AMOTL1: variants seen among roughly 807,000 people sequenced by gnomAD.
AMOTL1 encodes angiomotin like 1, also known as angiomotin-like protein 1.
In AMOTL1, 45 loss-of-function variants were observed where a neutral mutation model predicts 102.9. The observed-to-expected ratio is 0.44, with a 90% CI of 0.34 to 0.56. AMOTL1 has a LOEUF of 0.56. AMOTL1 is among the 20% of genes least tolerant of loss of function. The pLI, the probability that AMOTL1 is intolerant of heterozygous loss-of-function variation, is 0.01. For synonymous variants in AMOTL1, 481 were observed against 484.7 expected, an observed-to-expected ratio of 0.99 and a Z score of 0.10; for missense variants, 1,114 against 1,225.6, an observed-to-expected ratio of 0.91 and a Z score of 1.36.
At position 94,795,246 on chromosome 11, in the gene AMOTL1, T is replaced by C. The variant is rs1591973009; in HGVS notation, c.199+86T>C. ...TAGCTCTTTTGCATAATTCAGATGTTTATTCTCTAATCTTGTTTTTTAAAT... is the reference window on the plus strand; with the variant it reads ...TAGCTCTTTTGCATAATTCAGATGTCTATTCTCTAATCTTGTTTTTTAAAT... On this transcript the variant is annotated intron_variant, in intron 2 of 12. Transcript: ENST00000433060. The C allele has an allele frequency of 1.5e-5, 23 of 1,484,162 alleles. No individual in the cohort carries two copies. The East Asian group carries it at 5.2e-4, about 34-fold the overall frequency. 91.9% of individuals were successfully genotyped at this position (1,484,162 alleles called of 1,614,324 possible).
chr11:94,818,123 C>T lies in AMOTL1; in HGVS notation c.1122-3407C>T, dbSNP rs369278458. 9.2e-5 allele frequency among the ~76,000 whole-genome samples: 14 copies of T among 152,248 alleles called. No homozygotes were observed. In the East Asian group the frequency reaches 2.1e-3, roughly 23 times the overall value. ...GAATCTTTTTCTTTGTAATAGGACA[C>T]AATTGGAGACACTGGTTATTTTACC... On this transcript the variant is annotated intron_variant, in intron 3 of 12. Transcript: ENST00000433060.
intron 3 of AMOTL1, among the ~76,000 whole-genome samples, chr11:94,743,485 C>A (rs897701392): frequency 7.9e-5 from 12 of 152,036 alleles, no homozygotes; most frequent in Non-Finnish European, 1.6e-4. Flanking sequence ...TTTTTTGGTG[C>A]TTTTCTTAGA....
chr11:94,749,987 A>T (rs916930350), intron 3 of AMOTL1, among the ~76,000 whole-genome samples: 1 of 152,258 alleles, frequency 6.6e-6, no homozygotes, highest in East Asian at 1.9e-4. Context: ...TTTTATGGGG[A>T]TGAAAAAGGA....
rs1953061541 is a variant in AMOTL1 at position 94,874,487 on chromosome 11, A to T, written c.*3692A>T. 1 of 152,194 alleles carries T rather than the reference A, an allele frequency of 6.6e-6. No homozygotes were observed. The highest frequency in any genetic ancestry group is 2.4e-5 in the African/African-American group (1 of 41,446). 9.4% of individuals were successfully genotyped at this position (152,194 alleles called of 1,614,324 possible). A position where few individuals can be genotyped will look rare whatever the true frequency, so the allele number is the denominator to read the frequency against. On this transcript the variant is annotated 3_prime_UTR_variant, in exon 13 of 13. Coordinates refer to ENST00000433060, the MANE Select transcript of AMOTL1 (RefSeq NM_130847.3). ...GGTTGCTCTTTGGAACTCATGTATG[A>T]GTTTGACTCCACAAGGCTTGGCATG...
chr11:94,715,729 A>T (rs905988149), intron 1 of AMOTL1, among the ~76,000 whole-genome samples: 4 of 152,046 alleles, frequency 2.6e-5, no homozygotes, highest in Admixed American at 6.6e-5. Context: ...TGTCATTCAA[A>T]TTTGTGTTTG....
At chr11:94,867,763 T>G (rs987813604) in intron 11 of AMOTL1, among the ~76,000 whole-genome samples, 26 of 152,188 alleles carry the variant, frequency 1.7e-4, no homozygotes, top group African/African-American at 6.3e-4. Context: ...GGCTGGCTAG[T>G]GACTTATTCA....
At chr11:94,789,273 C>T (rs1397603082) in intron 1 of AMOTL1, among the ~76,000 whole-genome samples, 2 of 152,172 alleles carry the variant, frequency 1.3e-5, no homozygotes, top group South Asian at 2.1e-4. Flanking sequence ...ATTCTCCTGC[C>T]TCAGCCTCCC....
chr11:94,791,029 A>G (rs1358231546), intron 1 of AMOTL1, among the ~76,000 whole-genome samples: 1 of 152,188 alleles, frequency 6.6e-6, no homozygotes, highest in Admixed American at 6.5e-5. Context: ...TCTTGCTCAG[A>G]GTCACATTAG....
At chr11:94,837,361 T>C (rs1952205617) in intron 6 of AMOTL1, among the ~76,000 whole-genome samples, 1 of 152,230 alleles carries the variant, frequency 6.6e-6, no homozygotes, top group Admixed American at 6.5e-5. Context: ...GTCTATAAAA[T>C]ACATGTATTC....
chr11:94,785,697 C>A (rs1951176263), intron 1 of AMOTL1, among the ~76,000 whole-genome samples: 1 of 152,164 alleles, frequency 6.6e-6, no homozygotes, highest in Non-Finnish European at 1.5e-5. Context: ...TCATCTGCAA[C>A]AATACACACT....
intron 1 of AMOTL1, among the ~76,000 whole-genome samples, chr11:94,786,289 C>T (rs1335844304): frequency 2.6e-5 from 4 of 152,062 alleles, no homozygotes; most frequent in African/African-American, 9.7e-5. Context: ...TAGAGAAAGC[C>T]TTTTTATTAT....
Position 94,818,362 on chromosome 11 carries a change from GA to G in AMOTL1, c.1122-3166del, listed in dbSNP as rs778779461. Among the ~76,000 whole-genome samples the G allele has an allele frequency of 5.9e-5, 9 of 152,186 alleles. No homozygotes were observed. The South Asian group carries it at 1.7e-3, about 28-fold the overall frequency. On this transcript the variant is annotated intron_variant, in intron 3 of 12. Coordinates refer to ENST00000433060, the MANE Select transcript of AMOTL1 (RefSeq NM_130847.3). ...AGTTTTCTTGGGCCCTTGAGGTGAG[GA>G]ATTCACCCAATTAGTACAGGTATTT... is the stretch of plus-strand genomic sequence containing the variant.
chr11:94,787,902 A>G (rs549618867), intron 1 of AMOTL1, among the ~76,000 whole-genome samples: 1 of 152,238 alleles, frequency 6.6e-6, no homozygotes, highest in East Asian at 1.9e-4. Context: ...AGGCTCAGAA[A>G]ATGGGCAGGA....
chr11:94,787,343 A>G (rs1405189540), intron 1 of AMOTL1, among the ~76,000 whole-genome samples: 2 of 152,146 alleles, frequency 1.3e-5, no homozygotes, highest in African/African-American at 2.4e-5. Flanking sequence ...AGGTATTTGC[A>G]CAAGGTTGGT....
chr11:94,742,030 T>G (rs980298134), intron 3 of AMOTL1, among the ~76,000 whole-genome samples: 1 of 152,140 alleles, frequency 6.6e-6, no homozygotes, highest in African/African-American at 2.4e-5. Flanking sequence ...AACAACGACT[T>G]TCATTCATTT....
At chr11:94,709,830 T>A (rs1223537466) in intron 1 of AMOTL1, among the ~76,000 whole-genome samples, 1 of 152,124 alleles carries the variant, frequency 6.6e-6, no homozygotes, top group Non-Finnish European at 1.5e-5. Context: ...GGGAACAAGG[T>A]AGTAACCTTG....
intron 4 of AMOTL1, among the ~76,000 whole-genome samples, chr11:94,827,536 T>C (rs1427882802): frequency 7.2e-5 from 11 of 152,252 alleles, no homozygotes; most frequent in Non-Finnish European, 1.5e-5. Context: ...TAATTCATGG[T>C]AAGGCTATGA....
At chr11:94,740,009 A>G (rs2135474822) in intron 2 of AMOTL1, among the ~76,000 whole-genome samples, 1 of 152,284 alleles carries the variant, frequency 6.6e-6, no homozygotes, top group East Asian at 1.9e-4. Flanking sequence ...CTCCTCCCCC[A>G]CTTCTCCCTC....
At position 94,794,880 on chromosome 11, in the gene AMOTL1, A is replaced by G. The variant is rs991453687; in HGVS notation, c.50-131A>G. ...GAATAGTAACTTTGGAATTTTATGA[A>G]TCAAAAAGAAAGAGCTCCCTCTGCC... On this transcript the variant is annotated intron_variant, in intron 1 of 12. Transcript: ENST00000433060. The G allele has an allele frequency of 4.8e-6, 5 of 1,051,128 alleles. No homozygotes were observed. In the African/African-American group the frequency reaches 8.0e-5, roughly 17 times the overall value. 65.1% of individuals were successfully genotyped at this position (1,051,128 alleles called of 1,614,324 possible). A position where few individuals can be genotyped will look rare whatever the true frequency, so the allele number is the denominator to read the frequency against.
Sources: allele counts gnomAD v4.1 joint callset (sites outside exome capture counted in the v4.1 genomes callset), GRCh38; gene constraint gnomAD v4.1.1; transcripts MANE v1.5; gene names NCBI Gene and HGNC (gene_info 2026-07-23, HGNC 2026-07-21).